Variants in NKD2 observed in about 807,000 individuals in gnomAD.
NKD2 encodes protein naked cuticle homolog 2.
In NKD2, 43 loss-of-function variants were observed where a neutral mutation model predicts 34.8. The ratio of observed to expected loss-of-function variants is 1.24; its 90% confidence interval spans 0.97 to 1.60. The LOEUF (loss-of-function observed/expected upper bound fraction) is 1.60, where lower values mean the gene tolerates loss of function less well. NKD2 is among the 40% of genes most tolerant of loss of function. The pLI is 0.00. For missense variants in NKD2, 675 were observed against 627.1 expected (o/e 1.08, Z -0.82); for synonymous variants, 278 against 265.1 (o/e 1.05, Z -0.47).
chr5:1,034,029 G>A, intron 5 of NKD2: 4 of 592,244 alleles, frequency 6.8e-6, no homozygotes, highest in East Asian at 2.8e-5. Flanking sequence ...CACAAAGCTG[G>A]GTCCCCCCAA....
chr5:1,026,773 G>A (rs1014704540), intron 3 of NKD2, among the ~76,000 whole-genome samples: 35 of 152,340 alleles, frequency 2.3e-4, no homozygotes, highest in Non-Finnish European at 2.8e-4. Flanking sequence ...CCCAGCCCCC[G>A]AGGCAGGAGG....
At chr5:1,028,227 G>C (rs868695377) in intron 3 of NKD2, among the ~76,000 whole-genome samples, 1 of 152,110 alleles carries the variant, frequency 6.6e-6, no homozygotes, top group Non-Finnish European at 1.5e-5. Context: ...GGACGTGGAC[G>C]GTGGCCTCGG....
intron 3 of NKD2, among the ~76,000 whole-genome samples, chr5:1,010,970 C>G (rs576218901): frequency 1.3e-5 from 2 of 152,320 alleles, no homozygotes; most frequent in African/African-American, 4.8e-5. Flanking sequence ...TGGGGCAAGG[C>G]CAGTGCGCTC....
At chr5:1,011,864 C>T (rs1042435288) in intron 3 of NKD2, among the ~76,000 whole-genome samples, 3 of 152,258 alleles carry the variant, frequency 2.0e-5, no homozygotes, top group Non-Finnish European at 2.9e-5. Context: ...CTCTGCGGAG[C>T]GCCACACTTT....
intron 3 of NKD2, among the ~76,000 whole-genome samples, chr5:1,017,267 C>T (rs1755996981): frequency 6.6e-6 from 1 of 152,208 alleles, no homozygotes; most frequent in African/African-American, 2.4e-5. Context: ...TCCCTCTGCC[C>T]ACCATCACCG....
intron 3 of NKD2, among the ~76,000 whole-genome samples, chr5:1,026,716 G>A (rs1038187262): frequency 6.6e-6 from 1 of 152,208 alleles, no homozygotes; most frequent in African/African-American, 2.4e-5. Context: ...TCCCCTCCCT[G>A]AGCCACCTGC....
At chr5:1,026,663 T>A (rs1212744854) in intron 3 of NKD2, among the ~76,000 whole-genome samples, 1 of 152,232 alleles carries the variant, frequency 6.6e-6, no homozygotes, top group African/African-American at 2.4e-5. Context: ...CTCAGCCTTT[T>A]CCTGAGAGGC....
At position 1,038,888 on chromosome 5, in the gene NKD2, C is replaced by CAGGGAGCATCCGG. The variant is rs2150755046; in HGVS notation, c.*515_*516insAGGGAGCATCCGG. ...GCTTGTGCTTAGCAGGGAGCATCCG[C>CAGGGAGCATCCGG]GGCTCCCCGCAGGAGGCCAAGCAGC... is the stretch of plus-strand genomic sequence containing the variant. On this transcript the variant is annotated 3_prime_UTR_variant, in exon 10 of 10. Transcript: ENST00000296849. The surrounding 1 kb of genome is among the most constrained non-coding windows in gnomAD (Gnocchi z 4.5). 1 of 238,848 alleles carries CAGGGAGCATCCGG rather than the reference C, an allele frequency of 4.2e-6. No individual in the cohort carries two copies. Among genetic ancestry groups the CAGGGAGCATCCGG allele is most frequent in the Admixed American group, 5.2e-5 (1 of 19,276 alleles). 14.8% of individuals were successfully genotyped at this position (238,848 alleles called of 1,614,324 possible).
chr5:1,036,752 C>T (rs2150752023), intron 9 of NKD2: 1 of 480,544 alleles, frequency 2.1e-6, no homozygotes, highest in Non-Finnish European at 4.1e-6. Context: ...CCGGCTCAGT[C>T]AGCAGAGGGG....
intron 3 of NKD2, among the ~76,000 whole-genome samples, chr5:1,027,387 G>T (rs1024761087): frequency 2.6e-5 from 4 of 152,204 alleles, no homozygotes; most frequent in Non-Finnish European, 4.4e-5. Flanking sequence ...CAGACTTGGG[G>T]TTCCACACCC....
At chr5:1,034,211 C>T (rs868804259) in intron 5 of NKD2, 24 bp from the exon 6 acceptor site, 2 of 1,588,174 alleles carry the variant, frequency 1.3e-6, no homozygotes, top group Middle Eastern at 1.7e-4. Flanking sequence ...GAGGCGAGGT[C>T]CCGGCCCCCA....
chr5:1,037,050 G>A (rs866042534), intron 9 of NKD2: 137 of 380,924 alleles, frequency 3.6e-4, no homozygotes, highest in East Asian at 3.4e-3. Context: ...TGTGGACGGC[G>A]GGCAGTGTGG....
In NKD2 at chr5:1,037,981, C is replaced by G; in HGVS notation, c.964C>G (p.Arg322Gly). The change falls in exon 10 of 10, where the codon CGG becomes GGG. Residue 322 changes from arginine (R) to glycine (G), a missense_variant. Coordinates refer to ENST00000296849, the MANE Select transcript of NKD2 (RefSeq NM_033120.4). ...PAARALDTQPRPKGPEKQFLK... is the reference protein window; with the variant it reads ...PAARALDTQPGPKGPEKQFLK... Reference sequence around the variant, plus strand: ...TGCCCGGGCCCTGGACACGCAGCCCCGGCCGAAGGGGCCGGAGAAGCAGTT... The same window carrying G: ...TGCCCGGGCCCTGGACACGCAGCCCGGGCCGAAGGGGCCGGAGAAGCAGTT... 1 of 1,605,478 alleles carries G rather than the reference C, an allele frequency of 6.2e-7. No individual in the cohort carries two copies. The highest frequency in any genetic ancestry group is 8.5e-7 in the Non-Finnish European group (1 of 1,177,644).
Position 1,009,298 on chromosome 5 carries a change from C to A in NKD2, c.61+84C>A. The stretch of plus-strand genomic sequence containing the variant: ...AGCTAGGAGCCCGCGCGCGTCCTGC[C>A]CTGGAGCCAGCAGTGGGGGGACGGG... On this transcript the variant is annotated intron_variant, in intron 2 of 9. Transcript: ENST00000296849. The surrounding 1 kb of genome is among the most constrained non-coding windows in gnomAD (Gnocchi z 6.9). The A allele has an allele frequency of 2.0e-6, 1 of 505,312 alleles. No homozygotes were observed. The highest frequency in any genetic ancestry group is 2.9e-5 in the South Asian group (1 of 34,068). The allele number at this position is 505,312 out of a possible 1,614,324, so 31.3% of individuals were successfully genotyped here.
chr5:1,011,700 C>T (rs890962749), intron 3 of NKD2, among the ~76,000 whole-genome samples: 1 of 152,224 alleles, frequency 6.6e-6, no homozygotes, highest in African/African-American at 2.4e-5. Context: ...TACCCTCTCT[C>T]CCCAGCCCCC....
At chr5:1,032,954 A>C (rs1339751158) in intron 4 of NKD2, among the ~76,000 whole-genome samples, 1 of 152,070 alleles carries the variant, frequency 6.6e-6, no homozygotes, top group African/African-American at 2.4e-5. Context: ...CTGTTGACAC[A>C]CTCAGTGCAC....
chr5:1,030,787 A>C (rs995330242), intron 3 of NKD2, among the ~76,000 whole-genome samples: 5 of 152,196 alleles, frequency 3.3e-5, no homozygotes, highest in Non-Finnish European at 5.9e-5. Context: ...TTTCTTATTA[A>C]AATGAGGGCA....
At chr5:1,013,047 T>C (rs991709017) in intron 3 of NKD2, among the ~76,000 whole-genome samples, 12 of 152,178 alleles carry the variant, frequency 7.9e-5, no homozygotes, top group Non-Finnish European at 4.4e-5. Flanking sequence ...GTGTGGACCA[T>C]ACTCTGCTTG....
intron 3 of NKD2, among the ~76,000 whole-genome samples, chr5:1,028,839 C>T (rs367634896): frequency 5.9e-5 from 9 of 151,532 alleles, no homozygotes; most frequent in Middle Eastern, 3.4e-3. Flanking sequence ...CTCAGGAGGG[C>T]GAGGCCAGGT....
Sources: allele counts gnomAD v4.1 joint callset (sites outside exome capture counted in the v4.1 genomes callset), GRCh38; gene constraint gnomAD v4.1.1; non-coding constraint Gnocchi (gnomAD v3.1); transcripts MANE v1.5; gene names NCBI Gene and HGNC (gene_info 2026-07-23, HGNC 2026-07-21).